KIRREL3: variants seen among roughly 807,000 people sequenced by gnomAD.
The protein encoded by KIRREL3 is kin of IRRE-like protein 3.
KIRREL3 carries 36 observed loss-of-function variants against 89.7 expected under a neutral mutation model. The ratio of observed to expected loss-of-function variants is 0.40; its 90% CI spans 0.31 to 0.53. KIRREL3 has a LOEUF of 0.53. Ranked by LOEUF, KIRREL3 falls within the 20% of genes least tolerant of loss-of-function variation. The pLI, the probability that KIRREL3 is intolerant of heterozygous loss-of-function variation, is 0.49. For missense variants in KIRREL3, 864 were observed against 1,056.6 expected (o/e 0.82, Z 2.53); for synonymous variants, 445 against 441.4 (o/e 1.01, Z -0.10).
chr11:126,671,192 C>G (rs2135057953), intron 1 of KIRREL3, among the ~76,000 whole-genome samples: 1 of 150,896 alleles, frequency 6.6e-6, no homozygotes, highest in African/African-American at 2.4e-5. Context: ...GAAGAAAACA[C>G]TGGAGAAAAT....
chr11:126,620,096 G>T lies in KIRREL3; in HGVS notation c.56-57184C>A, dbSNP rs1349334118. Among the ~76,000 whole-genome samples the T allele has an allele frequency of 6.6e-6, 1 of 152,090 alleles. No individual in the cohort carries two copies. The highest frequency in any genetic ancestry group is 1.5e-5 in the Non-Finnish European group (1 of 68,020). The stretch of plus-strand genomic sequence containing the variant: ...TGCAACTTCCACTGTTTTGCTGTTT[G>T]CCCACACAGTGGGCAATCGAATCTG... On this transcript the variant is annotated intron_variant, in intron 1 of 16. Transcript: ENST00000525144. This position sits in a 1 kb window ranked among gnomAD's most constrained non-coding sequence, Gnocchi z 4.8.
In KIRREL3 at chr11:126,739,146, T is replaced by C. The variant is rs1453469393; in HGVS notation, c.56-176234A>G. On this transcript the variant is annotated intron_variant, in intron 1 of 16. Transcript: ENST00000525144. The surrounding 1 kb of genome is among the most constrained non-coding windows in gnomAD (Gnocchi z 5.5). The stretch of plus-strand genomic sequence containing the variant: ...AGGATGGAAACTCCAATCCAGACTG[T>C]TCTGGCTCCAAAGCCAAACCCTTCC... 2.6e-5 allele frequency among the ~76,000 whole-genome samples: 4 copies of C among 152,238 alleles called. No homozygotes were observed. Among genetic ancestry groups the C allele is most frequent in the African/African-American group, 9.6e-5 (4 of 41,458 alleles).
intron 1 of KIRREL3, among the ~76,000 whole-genome samples, chr11:126,913,815 T>C (rs186744558): frequency 5.3e-5 from 8 of 151,880 alleles, no homozygotes; most frequent in Admixed American, 2.6e-4. Flanking sequence ...CCTGGCAGAG[T>C]AGAGTGCAGG....
At position 126,530,664 on chromosome 11, in the gene KIRREL3, A is replaced by G. The variant is rs1306599926; in HGVS notation, c.134-3977T>C. The stretch of plus-strand genomic sequence containing the variant: ...GGGCGTCTCAGATGGAGCACAGAGT[A>G]GGTGCCTCACAGGCTCAGGTCCTGC... On this transcript the variant is annotated intron_variant, in intron 2 of 16. Coordinates refer to ENST00000525144, the MANE Select transcript of KIRREL3 (RefSeq NM_032531.4). The surrounding 1 kb of genome is among the most constrained non-coding windows in gnomAD (Gnocchi z 5.8). Among the ~76,000 whole-genome samples the G allele has an allele frequency of 6.6e-6, 1 of 152,112 alleles. No individual in the cohort carries two copies. Among genetic ancestry groups the G allele is most frequent in the Non-Finnish European group, 1.5e-5 (1 of 68,010 alleles).
intron 1 of KIRREL3, among the ~76,000 whole-genome samples, chr11:126,982,179 T>C (rs1205150797): frequency 1.3e-5 from 2 of 152,196 alleles, no homozygotes; most frequent in East Asian, 1.9e-4. Flanking sequence ...TTGAGAAACC[T>C]ATTATCATTA....
chr11:126,974,009 T>C (rs1248332345), intron 1 of KIRREL3, among the ~76,000 whole-genome samples: 1 of 152,220 alleles, frequency 6.6e-6, no homozygotes, highest in Non-Finnish European at 1.5e-5. Context: ...TTAGTTGTCC[T>C]GTGTGCTCCC....
At position 126,558,452 on chromosome 11, in the gene KIRREL3, T is replaced by G. The variant is rs1591735384; in HGVS notation, c.133+4383A>C. Among the ~76,000 whole-genome samples the G allele has an allele frequency of 6.6e-6, 1 of 152,348 alleles. No individual in the cohort carries two copies. Among genetic ancestry groups the G allele is most frequent in the East Asian group, 1.9e-4 (1 of 5,176 alleles). On this transcript the variant is annotated intron_variant, in intron 2 of 16. Transcript: ENST00000525144. The surrounding 1 kb of genome is among the most constrained non-coding windows in gnomAD (Gnocchi z 4.0). Reference sequence around the variant, plus strand: ...GTGTTAGAGGCTTTCCCTCTGCTCATGGTCTCAGCCTCCTCTTCCAGAAGT... The same window carrying G: ...GTGTTAGAGGCTTTCCCTCTGCTCAGGGTCTCAGCCTCCTCTTCCAGAAGT...
rs1943298459 is a variant in KIRREL3, at chr11:126,615,303, T to C, written c.56-52391A>G. ...CACAGTCCTCAATAAATGTTTATTG[T>C]CATTCCTGTGATTATTAATTACTGT... On this transcript the variant is annotated intron_variant, in intron 1 of 16. Transcript: ENST00000525144. This position sits in a 1 kb window ranked among gnomAD's most constrained non-coding sequence, Gnocchi z 5.4. Among the ~76,000 whole-genome samples the C allele has an allele frequency of 6.6e-6, 1 of 152,216 alleles. No homozygotes were observed. Among genetic ancestry groups the C allele is most frequent in the South Asian group, 2.1e-4 (1 of 4,832 alleles).
At chr11:126,847,111 G>T (rs750919340) in intron 1 of KIRREL3, among the ~76,000 whole-genome samples, 1 of 152,052 alleles carries the variant, frequency 6.6e-6, no homozygotes, top group South Asian at 2.1e-4. Context: ...TAAGAATAGG[G>T]TTTAACAGTA....
At chr11:126,449,498 T>C (rs911325696) in intron 7 of KIRREL3, among the ~76,000 whole-genome samples, 7 of 152,182 alleles carry the variant, frequency 4.6e-5, no homozygotes, top group Non-Finnish European at 8.8e-5. Context: ...CAACTGTCAG[T>C]GGGCAGACAG....
At position 126,786,194 on chromosome 11, in the gene KIRREL3, C is replaced by A. The variant is rs188148634; in HGVS notation, c.55+214261G>T. Among the ~76,000 whole-genome samples the A allele has an allele frequency of 2.0e-5, 3 of 152,038 alleles. No homozygotes were observed. The East Asian group carries it at 5.8e-4, about 29-fold the overall frequency. On this transcript the variant is annotated intron_variant, in intron 1 of 16. Transcript: ENST00000525144. ...TGAGAATTACATAATATGAAAATTG[C>A]ATATGATAACTATGCTAAATGAAAA...
At chr11:126,950,488 C>T (rs1321399605) in intron 1 of KIRREL3, among the ~76,000 whole-genome samples, 7 of 152,212 alleles carry the variant, frequency 4.6e-5, no homozygotes, top group Non-Finnish European at 7.3e-5. Flanking sequence ...AGAATCTGGC[C>T]CCATTTACCT....
At position 126,527,910 on chromosome 11, in the gene KIRREL3, T is replaced by A. The variant is rs1958811855; in HGVS notation, c.134-1223A>T. 6.6e-6 allele frequency among the ~76,000 whole-genome samples: 1 copy of A among 152,182 alleles called. No individual in the cohort carries two copies. The highest frequency in any genetic ancestry group is 1.5e-5 in the Non-Finnish European group (1 of 68,040). ...ATCTGTGTCTCCTGGGAGTCCACAG[T>A]TGAGTGGACAATGGAACATTGACAT... On this transcript the variant is annotated intron_variant, in intron 2 of 16. Coordinates refer to ENST00000525144, the MANE Select transcript of KIRREL3 (RefSeq NM_032531.4). This position sits in a 1 kb window ranked among gnomAD's most constrained non-coding sequence, Gnocchi z 4.2.
In KIRREL3 at chr11:126,973,099, G is replaced by GAAA. The variant is rs763115363; in HGVS notation, c.55+27355_55+27356insTTT. Among the ~76,000 whole-genome samples the GAAA allele has an allele frequency of 1.7e-3, 69 of 41,140 alleles. 1 individual carries two copies. Among genetic ancestry groups the GAAA allele is most frequent in the Non-Finnish European group, 2.3e-3 (49 of 21,118 alleles). 27.0% of individuals were successfully genotyped at this position (41,140 alleles called of 152,430 possible). A position where few individuals can be genotyped will look rare whatever the true frequency, so the allele number is the denominator to read the frequency against. ...TTCCACTGCCAACTCTAAGTTTTGAGGAAAAAAAAAAAAAAAAAAAAGACA... is the reference window on the plus strand; with the variant it reads ...TTCCACTGCCAACTCTAAGTTTTGAGAAAGAAAAAAAAAAAAAAAAAAAAGACA... On this transcript the variant is annotated intron_variant, in intron 1 of 16. Transcript: ENST00000525144.
intron 1 of KIRREL3, among the ~76,000 whole-genome samples, chr11:126,671,365 G>A (rs1945939879): frequency 6.6e-6 from 1 of 151,856 alleles, no homozygotes; most frequent in African/African-American, 2.4e-5. Context: ...ACCATGCCTG[G>A]TTGGTGATGA....
chr11:126,756,674 G>C (rs1179429814), intron 1 of KIRREL3, among the ~76,000 whole-genome samples: 2 of 152,254 alleles, frequency 1.3e-5, no homozygotes, highest in Non-Finnish European at 2.9e-5. Flanking sequence ...TCTGAAGTCA[G>C]CAGGGAGACA....
chr11:126,869,901 A>G (rs981091277), intron 1 of KIRREL3, among the ~76,000 whole-genome samples: 2 of 152,204 alleles, frequency 1.3e-5, no homozygotes, highest in African/African-American at 2.4e-5. Flanking sequence ...AAGTGATGAA[A>G]TTCAGTTCCC....
At chr11:126,819,613 G>A (rs939529) in intron 1 of KIRREL3, among the ~76,000 whole-genome samples, 131,464 of 152,252 alleles carry the variant, frequency 0.86, 57,110 homozygotes, top group East Asian at 1. Flanking sequence ...GGTGCTTTGG[G>A]CGGGGCTCAG....
Position 126,664,703 on chromosome 11 carries a change from C to T in KIRREL3, c.56-101791G>A, listed in dbSNP as rs1451303622. 1.3e-5 allele frequency among the ~76,000 whole-genome samples: 2 copies of T among 152,190 alleles called. No individual in the cohort carries two copies. Among genetic ancestry groups the T allele is most frequent in the Non-Finnish European group, 2.9e-5 (2 of 68,048 alleles). ...CACTGTTGCTCTCTGGGCTGTGGGA[C>T]ATCTAGGAAGCTGATGTCCTTGTTT... On this transcript the variant is annotated intron_variant, in intron 1 of 16. Transcript: ENST00000525144. The surrounding 1 kb of genome is among the most constrained non-coding windows in gnomAD (Gnocchi z 5.4).
Sources: gnomAD v4.1 joint callset for allele counts (sites outside exome capture counted in the v4.1 genomes callset) on GRCh38, gnomAD v4.1.1 for gene constraint, Gnocchi (gnomAD v3.1) non-coding constraint, MANE v1.5 for transcripts, NCBI Gene and HGNC (gene_info 2026-07-23, HGNC 2026-07-21) for gene names.